NCALD: variants seen among roughly 807,000 people sequenced by gnomAD.
NCALD encodes neurocalcin delta.
A neutral mutation model predicts 18.6 loss-of-function variants in NCALD; 10 were observed. That is an observed-to-expected ratio of 0.54 (90% confidence interval 0.33 to 0.91). The LOEUF is 0.91. Ranked by LOEUF, NCALD falls within the 40% of genes least tolerant of loss-of-function variation. The pLI is 0.03. For synonymous variants in NCALD, 88 were observed against 87.4 expected (o/e 1.01, Z -0.04); for missense variants, 184 against 247.6 (o/e 0.74, Z 1.72).
At chr8:101,875,894 CTCCAGGATGAA>C (rs1394981204) in intron 4 of NCALD, among the ~76,000 whole-genome samples, 1 of 152,240 alleles carries the variant, frequency 6.6e-6, no homozygotes, top group Non-Finnish European at 1.5e-5. Flanking sequence ...CATCTCTCCT[CTCCAGGATGAA>C]TGGCTGCCTC....
rs565197168 is a variant in NCALD at position 101,882,377 on chromosome 8, G to C, written c.-20+4764C>G. Among the ~76,000 whole-genome samples the C allele has an allele frequency of 1.6e-4, 24 of 152,090 alleles. 1 individual carries two copies. The highest frequency in any genetic ancestry group is 5.8e-4 in the African/African-American group (24 of 41,506). ...AGTGTACTCATAAAAGAGACCCCAG[G>C]GTCTCTTTTCCCCTTCCACCATAGG... On this transcript the variant is annotated intron_variant, in intron 4 of 6. Transcript: ENST00000311028.
At chr8:101,793,108 T>C (rs1812505047), upstream of NCALD, among the ~76,000 whole-genome samples, 1 of 152,112 alleles carries the variant, frequency 6.6e-6, no homozygotes, top group Admixed American at 6.5e-5. Context: ...ACCAGCACTT[T>C]GGGAGGCTGA....
intron 1 of NCALD, 107 bp downstream of exon 1, chr8:101,790,755 C>T (rs575336153): frequency 5.3e-5 from 8 of 152,276 alleles, no homozygotes; most frequent in African/African-American, 1.9e-4. Flanking sequence ...CCCCTTGGTA[C>T]AACAATAATT....
At chr8:101,691,159 G>A (rs1352140813) in intron 3 of NCALD, 1 of 985,278 alleles carries the variant, frequency 1.0e-6, no homozygotes, top group Non-Finnish European at 1.2e-6. Flanking sequence ...GCCAAGCACT[G>A]AGCTGAAGCA....
chr8:101,924,221 T>C (rs1818263349), intron 2 of NCALD, among the ~76,000 whole-genome samples: 1 of 152,230 alleles, frequency 6.6e-6, no homozygotes, highest in Non-Finnish European at 1.5e-5. Flanking sequence ...AGATACTATA[T>C]AGTCACCAAT....
At chr8:101,739,755 C>G (rs778528951) in intron 1 of NCALD, among the ~76,000 whole-genome samples, 1 of 152,182 alleles carries the variant, frequency 6.6e-6, no homozygotes, top group African/African-American at 2.4e-5. Flanking sequence ...GGTGCACTGT[C>G]GGCTTCCCTA....
At chr8:102,087,714 G>A (rs1197048964) in intron 1 of NCALD, among the ~76,000 whole-genome samples, 1 of 152,150 alleles carries the variant, frequency 6.6e-6, no homozygotes, top group Non-Finnish European at 1.5e-5. Context: ...ACAAAATTAG[G>A]GATGTACAAG....
At chr8:101,698,432 A>T (rs1815104838) in intron 2 of NCALD, among the ~76,000 whole-genome samples, 1 of 152,010 alleles carries the variant, frequency 6.6e-6, no homozygotes, top group Admixed American at 6.6e-5. Context: ...AGAAAAAAAA[A>T]TTTAATTTCA....
chr8:102,027,038 G>A (rs1822483431), intron 1 of NCALD, among the ~76,000 whole-genome samples: 2 of 152,196 alleles, frequency 1.3e-5, no homozygotes, highest in Non-Finnish European at 2.9e-5. Flanking sequence ...ATGTCCCAAG[G>A]CTGCACAGGG....
chr8:101,928,778 T>C (rs1340020645), intron 2 of NCALD, among the ~76,000 whole-genome samples: 1 of 152,196 alleles, frequency 6.6e-6, no homozygotes, highest in African/African-American at 2.4e-5. Context: ...GTTCTTTAGT[T>C]TAGATTGAGA....
intron 1 of NCALD, among the ~76,000 whole-genome samples, chr8:102,085,999 A>G (rs780999806): frequency 6.6e-6 from 1 of 152,084 alleles, no homozygotes; most frequent in Non-Finnish European, 1.5e-5. Context: ...TTTTTTCCTG[A>G]CATTTTTGCA....
intron 4 of NCALD, among the ~76,000 whole-genome samples, chr8:101,883,174 C>T (rs1816550968): frequency 6.6e-6 from 1 of 152,156 alleles, no homozygotes; most frequent in Non-Finnish European, 1.5e-5. Context: ...GAGTTCTAGA[C>T]TAGCCTGGGC....
At chr8:101,876,751 CAA>C (rs1049100542) in intron 4 of NCALD, among the ~76,000 whole-genome samples, 1 of 152,182 alleles carries the variant, frequency 6.6e-6, no homozygotes, top group Non-Finnish European at 1.5e-5. Flanking sequence ...TGCTGCTGCT[CAA>C]ATAAAATAAT....
At position 101,688,678 on chromosome 8, in the gene NCALD, G is replaced by C; in HGVS notation, c.*631C>G. 1 of 468,300 alleles carries C rather than the reference G, an allele frequency of 2.1e-6. No homozygotes were observed. Among genetic ancestry groups the C allele is most frequent in the Non-Finnish European group, 4.3e-6 (1 of 235,068 alleles). The allele number at this position is 468,300 out of a possible 1,614,324, so 29.0% of individuals were successfully genotyped here. On this transcript the variant is annotated 3_prime_UTR_variant, in exon 4 of 4. Coordinates refer to ENST00000220931, the MANE Select transcript of NCALD (RefSeq NM_032041.3). The stretch of plus-strand genomic sequence containing the variant: ...AAAGACACGCATATTAGCTCAACTA[G>C]TGTAAACCTGTGAAAAAATAGCTGA...
intron 1 of NCALD, among the ~76,000 whole-genome samples, chr8:102,075,471 T>C (rs952576436): frequency 7.2e-5 from 11 of 152,226 alleles, no homozygotes; most frequent in African/African-American, 2.2e-4. Flanking sequence ...TGTGTGCTTG[T>C]ATAATACTAT....
chr8:101,811,076 G>A (rs777366288), intron 4 of NCALD, among the ~76,000 whole-genome samples: 2 of 152,166 alleles, frequency 1.3e-5, no homozygotes, highest in Non-Finnish European at 2.9e-5. Flanking sequence ...TTTGGGCAAT[G>A]TGATAAGCAG....
Position 101,955,487 on chromosome 8 carries a change from A to C in NCALD, c.-156-39629T>G, listed in dbSNP as rs76652101. On this transcript the variant is annotated intron_variant, in intron 2 of 6. Coordinates refer to the NCALD transcript ENST00000311028. ...TAGGAAGCTGAGACATCTGGGGTCT[A>C]AAATGTGACTCTTACCCATTTGCTC... Among the ~76,000 whole-genome samples, 1,404 of 152,304 alleles carry C rather than the reference A, an allele frequency of 9.2e-3. 15 individuals are homozygous for C. The highest frequency in any genetic ancestry group is 0.027 in the Middle Eastern group (8 of 294).
At chr8:101,763,966 C>CTCTCTCTCCACACACA (rs1491550100) in intron 1 of NCALD, among the ~76,000 whole-genome samples, 2 of 85,170 alleles carry the variant, frequency 2.3e-5, no homozygotes, top group African/African-American at 7.9e-5. Flanking sequence ...CTCTCTCTCT[C>CTCTCTCTCCACACACA]CACACACACA....
At chr8:101,824,956 T>C (rs1388273720) in intron 4 of NCALD, among the ~76,000 whole-genome samples, 2 of 152,230 alleles carry the variant, frequency 1.3e-5, no homozygotes, top group African/African-American at 2.4e-5. Context: ...ACTATGTTTC[T>C]GTAACATGAT....
Sources: allele counts gnomAD v4.1 joint callset (sites outside exome capture counted in the v4.1 genomes callset), GRCh38; gene constraint gnomAD v4.1.1; transcripts MANE v1.5; gene names NCBI Gene and HGNC (gene_info 2026-07-23, HGNC 2026-07-21).